RGS5: variants seen among roughly 807,000 people sequenced by gnomAD.
The protein encoded by RGS5 is regulator of G protein signaling 5.
In RGS5, 20 loss-of-function variants were observed where a neutral mutation model predicts 18.9. That is an observed-to-expected ratio of 1.06 (90% CI 0.74 to 1.54). The LOEUF (loss-of-function observed/expected upper bound fraction) is 1.54. Among genes scored for constraint, RGS5 ranks in the 40% most tolerant of loss-of-function variants. The pLI is 0.00. For synonymous variants in RGS5, 57 were observed against 76.2 expected (o/e 0.75, Z 1.31); for missense variants, 201 against 211.8 (o/e 0.95, Z 0.32).
intron 2 of RGS5, among the ~76,000 whole-genome samples, chr1:163,258,930 G>T (rs1219917932): frequency 1.3e-5 from 2 of 152,046 alleles, no homozygotes; most frequent in African/African-American, 4.8e-5. Context: ...TCCCATGTCG[G>T]CTTCCCAAAG....
At chr1:163,183,034 C>T (rs1237378287) in intron 1 of RGS5, among the ~76,000 whole-genome samples, 1 of 152,132 alleles carries the variant, frequency 6.6e-6, no homozygotes, top group Non-Finnish European at 1.5e-5. Flanking sequence ...CTTAATAAAA[C>T]TACAGTTCCC....
intron 2 of RGS5, among the ~76,000 whole-genome samples, chr1:163,284,650 CTTT>C (rs1649097426): frequency 6.6e-6 from 1 of 152,018 alleles, no homozygotes; most frequent in Non-Finnish European, 1.5e-5. Flanking sequence ...TTGTAGGTAA[CTTT>C]TGTTTCTGCT....
intron 2 of RGS5, among the ~76,000 whole-genome samples, chr1:163,262,185 T>G: frequency 7.3e-6 from 1 of 137,806 alleles, no homozygotes; most frequent in Non-Finnish European, 1.6e-5. Context: ...ACTCTAAGTT[T>G]TAGGGTACAT....
At chr1:163,229,245 C>T (rs1005616385) in intron 2 of RGS5, among the ~76,000 whole-genome samples, 2 of 152,150 alleles carry the variant, frequency 1.3e-5, no homozygotes, top group African/African-American at 2.4e-5. Context: ...AACTTACAAT[C>T]ATTGTGGAAG....
chr1:163,209,298 C>T (rs1660044105), intron 1 of RGS5, among the ~76,000 whole-genome samples: 1 of 152,120 alleles, frequency 6.6e-6, no homozygotes. Flanking sequence ...CTTTCGATTA[C>T]CAGTAGAATA....
At chr1:163,199,319 A>C (rs753217376) in intron 1 of RGS5, among the ~76,000 whole-genome samples, 5 of 152,182 alleles carry the variant, frequency 3.3e-5, no homozygotes, top group Non-Finnish European at 4.4e-5. Context: ...TTCAATAAGC[A>C]ATAGTCTTAA....
chr1:163,294,170 G>A (rs1649363957), intron 2 of RGS5, among the ~76,000 whole-genome samples: 1 of 152,196 alleles, frequency 6.6e-6, no homozygotes, highest in Non-Finnish European at 1.5e-5. Flanking sequence ...GGGACTCTGT[G>A]TGGGGACTCC....
intron 1 of RGS5, among the ~76,000 whole-genome samples, chr1:163,192,736 T>C (rs1659408773): frequency 6.6e-6 from 1 of 152,166 alleles, no homozygotes; most frequent in African/African-American, 2.4e-5. Context: ...AGAAGCAAGA[T>C]TTAAGACTCT....
chr1:163,317,656 AC>A (rs1203703023), intron 1 of RGS5, among the ~76,000 whole-genome samples: 1 of 152,128 alleles, frequency 6.6e-6, no homozygotes, highest in Non-Finnish European at 1.5e-5. Flanking sequence ...AGGAGTCCAA[AC>A]TTTGTGACAT....
chr1:163,281,867 C>T (rs773809042), intron 2 of RGS5, among the ~76,000 whole-genome samples: 14 of 151,954 alleles, frequency 9.2e-5, no homozygotes, highest in South Asian at 2.1e-4. Context: ...GATATCCACA[C>T]GCATAAGAAT....
At chr1:163,314,191 C>A (rs1649951522) in intron 1 of RGS5, among the ~76,000 whole-genome samples, 1 of 152,038 alleles carries the variant, frequency 6.6e-6, no homozygotes. Flanking sequence ...TGGAAATTAT[C>A]TTAATGGATT....
intron 1 of RGS5, among the ~76,000 whole-genome samples, chr1:163,312,986 G>A (rs537819313): frequency 1.0e-3 from 154 of 152,190 alleles, no homozygotes; most frequent in African/African-American, 3.6e-3. Context: ...TCACCTGCAT[G>A]GTTTACCATT....
rs78944764 is a variant in RGS5 at position 163,178,789 on chromosome 1, C to T, written c.45-10421G>A. Among the ~76,000 whole-genome samples the T allele has an allele frequency of 9.2e-3, 1,396 of 152,194 alleles. 20 individuals carry two copies. Among genetic ancestry groups the T allele is most frequent in the African/African-American group, 0.032 (1,312 of 41,518 alleles). ...AACTTACCATAAAATGGTGATGAAACCATGGAAATCGTGAACAATAAATGT... is the reference window on the plus strand; with the variant it reads ...AACTTACCATAAAATGGTGATGAAATCATGGAAATCGTGAACAATAAATGT... On this transcript the variant is annotated intron_variant, in intron 1 of 4. Transcript: ENST00000313961.
chr1:163,293,575 A>C (rs1649348944), intron 2 of RGS5, among the ~76,000 whole-genome samples: 1 of 152,170 alleles, frequency 6.6e-6, no homozygotes, highest in Non-Finnish European at 1.5e-5. Flanking sequence ...GACAAACCAT[A>C]TCATTCTGCC....
At chr1:163,252,533 C>T (rs923808466) in intron 2 of RGS5, among the ~76,000 whole-genome samples, 2 of 152,142 alleles carry the variant, frequency 1.3e-5, no homozygotes, top group African/African-American at 4.8e-5. Flanking sequence ...TTCTGAAAAA[C>T]ACATACTTGA....
At chr1:163,168,675 T>C (rs1658165913) in intron 1 of RGS5, among the ~76,000 whole-genome samples, 1 of 152,066 alleles carries the variant, frequency 6.6e-6, no homozygotes, top group South Asian at 2.1e-4. Flanking sequence ...GCAGATGAGG[T>C]CACGGAATGA....
At chr1:163,242,506 A>C (rs1647816964) in intron 2 of RGS5, among the ~76,000 whole-genome samples, 4 of 152,238 alleles carry the variant, frequency 2.6e-5, no homozygotes, top group Admixed American at 2.6e-4. Flanking sequence ...ACTTTGAAAC[A>C]CACCATAATC....
At chr1:163,270,868 A>G (rs1648701747) in intron 2 of RGS5, among the ~76,000 whole-genome samples, 1 of 152,188 alleles carries the variant, frequency 6.6e-6, no homozygotes, top group Admixed American at 6.6e-5. Context: ...TCTACAGCTC[A>G]GTCTAAATAT....
chr1:163,289,791 T>C (rs1049537680), intron 2 of RGS5, among the ~76,000 whole-genome samples: 6 of 152,154 alleles, frequency 3.9e-5, no homozygotes, highest in Non-Finnish European at 7.4e-5. Flanking sequence ...TTTAGGCAGA[T>C]AGTGAGGGTA....
Sources: allele counts gnomAD v4.1 joint callset (sites outside exome capture counted in the v4.1 genomes callset), GRCh38; gene constraint gnomAD v4.1.1; transcripts MANE v1.5; gene names NCBI Gene and HGNC (gene_info 2026-07-23, HGNC 2026-07-21).